PSD3: variants seen among roughly 807,000 people sequenced by gnomAD.
PSD3 encodes pleckstrin and Sec7 domain containing 3, also known as PH and SEC7 domain-containing protein 3.
PSD3 carries 49 observed loss-of-function variants against 105.5 expected under a neutral mutation model. The ratio of observed to expected loss-of-function variants is 0.46; its 90% CI spans 0.37 to 0.59. The LOEUF (loss-of-function observed/expected upper bound fraction) is 0.59. PSD3 is among the 20% of genes least tolerant of loss of function. PSD3 has a pLI of 0.00. For synonymous variants in PSD3, 557 were observed against 457.8 expected, an observed-to-expected ratio of 1.22 and a Z score of -2.77; for missense variants, 1,561 against 1,263.8, an observed-to-expected ratio of 1.24 and a Z score of -3.57.
At chr8:18,651,868 T>C (rs1310604681) in intron 10 of PSD3, among the ~76,000 whole-genome samples, 1 of 152,172 alleles carries the variant, frequency 6.6e-6, no homozygotes, top group Non-Finnish European at 1.5e-5. Flanking sequence ...AATCAATTAT[T>C]GGCAGAACGT....
At position 18,659,383 on chromosome 8, in the gene PSD3, T is replaced by C. The variant is rs534557644; in HGVS notation, c.2173-3698A>G. 1.4e-3 allele frequency among the ~76,000 whole-genome samples: 220 copies of C among 152,310 alleles called. 2 individuals carry two copies. Among genetic ancestry groups the C allele is most frequent in the African/African-American group, 5.0e-3 (207 of 41,574 alleles). On this transcript the variant is annotated intron_variant, in intron 9 of 15. Coordinates refer to ENST00000327040, the MANE Select transcript of PSD3 (RefSeq NM_015310.4). ...GATGGTAAGGGAAGAACCAACAAAATGGGATTTCAGAACTGAACTCAGAGA... is the reference window on the plus strand; with the variant it reads ...GATGGTAAGGGAAGAACCAACAAAACGGGATTTCAGAACTGAACTCAGAGA...
At chr8:19,053,125 A>G (rs994785217) in intron 1 of PSD3, among the ~76,000 whole-genome samples, 9 of 152,094 alleles carry the variant, frequency 5.9e-5, no homozygotes, top group Admixed American at 4.6e-4. Context: ...CTTTCACCAC[A>G]GTGGTTCACT....
intron 1 of PSD3, among the ~76,000 whole-genome samples, chr8:19,012,157 A>T (rs780339891): frequency 2.1e-4 from 32 of 150,532 alleles, no homozygotes; most frequent in Non-Finnish European, 4.3e-4. Flanking sequence ...CCCTTTCTTG[A>T]TACCACTCTA....
chr8:18,684,805 C>G (rs527729736), intron 9 of PSD3, among the ~76,000 whole-genome samples: 3 of 152,082 alleles, frequency 2.0e-5, no homozygotes, highest in South Asian at 2.1e-4. Flanking sequence ...AAGCTAACTC[C>G]GGGCAACAAG....
At chr8:18,938,565 G>C (rs925132227) in intron 1 of PSD3, among the ~76,000 whole-genome samples, 3 of 148,664 alleles carry the variant, frequency 2.0e-5, no homozygotes, top group Non-Finnish European at 4.4e-5. Context: ...GGAGGTTGCA[G>C]TGAACCGCGA....
At chr8:19,036,444 G>A (rs1827946495) in intron 1 of PSD3, among the ~76,000 whole-genome samples, 1 of 152,088 alleles carries the variant, frequency 6.6e-6, no homozygotes, top group South Asian at 2.1e-4. Context: ...TCCCATAGCT[G>A]ATATCATACA....
intron 14 of PSD3, among the ~76,000 whole-genome samples, chr8:18,558,206 T>G (rs928190692): frequency 2.0e-5 from 3 of 152,234 alleles, no homozygotes; most frequent in Non-Finnish European, 2.9e-5. Context: ...ACAAACTATA[T>G]CAATAGTTTT....
At chr8:18,994,332 G>C (rs1367023168) in intron 1 of PSD3, among the ~76,000 whole-genome samples, 1 of 151,950 alleles carries the variant, frequency 6.6e-6, no homozygotes. Flanking sequence ...ACATCCATTT[G>C]TTTTTACGGT....
At chr8:19,059,363 G>C (rs1828816248) in intron 1 of PSD3, among the ~76,000 whole-genome samples, 1 of 151,452 alleles carries the variant, frequency 6.6e-6, no homozygotes, top group African/African-American at 2.4e-5. Context: ...TTCTGCGGAT[G>C]ATGGAACTCA....
chr8:18,975,809 C>A (rs1274535783), intron 1 of PSD3, among the ~76,000 whole-genome samples: 1 of 151,936 alleles, frequency 6.6e-6, no homozygotes, highest in East Asian at 1.9e-4. Flanking sequence ...GAAAATGTCT[C>A]AATGCTAACT....
chr8:18,582,595 G>A (rs1327894893), intron 12 of PSD3, among the ~76,000 whole-genome samples: 1 of 151,998 alleles, frequency 6.6e-6, no homozygotes, highest in South Asian at 2.1e-4. Context: ...CTGCATTTCT[G>A]GCCCCTTCAT....
chr8:18,801,150 G>A (rs902187396), intron 7 of PSD3, 120 bp downstream of exon 7: 3 of 600,404 alleles, frequency 5.0e-6, no homozygotes, highest in African/African-American at 3.8e-5. Context: ...AAACAGAAGT[G>A]TTAATAGTTA....
intron 2 of PSD3, among the ~76,000 whole-genome samples, chr8:18,875,345 G>A (rs778465875): frequency 6.6e-6 from 1 of 152,142 alleles, no homozygotes; most frequent in Non-Finnish European, 1.5e-5. Context: ...AAGAGGAAGT[G>A]ACTTTTCAAA....
intron 1 of PSD3, among the ~76,000 whole-genome samples, chr8:18,956,219 G>A (rs1403246730): frequency 1.3e-5 from 2 of 152,182 alleles, no homozygotes; most frequent in Non-Finnish European, 2.9e-5. Context: ...GGCCCGTTCA[G>A]CAGATTGTAT....
chr8:18,781,841 C>T (rs926955694), intron 8 of PSD3, among the ~76,000 whole-genome samples: 2 of 152,116 alleles, frequency 1.3e-5, no homozygotes, highest in African/African-American at 2.4e-5. Context: ...GAAAATTCCA[C>T]TATTTCGTCA....
At chr8:18,945,959 T>C (rs7812377) in intron 1 of PSD3, among the ~76,000 whole-genome samples, 99,528 of 152,008 alleles carry the variant, frequency 0.65, 32,801 homozygotes, top group Non-Finnish European at 0.67. Flanking sequence ...GGCGAAAGAG[T>C]GAGACTCCAT....
intron 10 of PSD3, among the ~76,000 whole-genome samples, chr8:18,637,689 A>G (rs1455531883): frequency 2.0e-5 from 3 of 152,222 alleles, no homozygotes; most frequent in Non-Finnish European, 4.4e-5. Flanking sequence ...ACCGAAAGAT[A>G]CTGAGTTGTT....
chr8:19,038,556 G>C (rs1305680375), intron 1 of PSD3, among the ~76,000 whole-genome samples: 1 of 152,114 alleles, frequency 6.6e-6, no homozygotes, highest in African/African-American at 2.4e-5. Flanking sequence ...AACCTCCTGG[G>C]CTCAAGCGAT....
intron 9 of PSD3, chr8:18,733,498 C>G (rs1803922039): frequency 6.5e-6 from 1 of 152,808 alleles, no homozygotes; most frequent in Non-Finnish European, 1.5e-5. Context: ...ATTACTCATG[C>G]ATGACCTTTG....
Sources: allele counts gnomAD v4.1 joint callset (sites outside exome capture counted in the v4.1 genomes callset), GRCh38; gene constraint gnomAD v4.1.1; transcripts MANE v1.5; gene names NCBI Gene and HGNC (gene_info 2026-07-23, HGNC 2026-07-21).